VPS13B: variants seen among roughly 807,000 people sequenced by gnomAD.
VPS13B encodes vacuolar protein sorting 13 homolog B.
In VPS13B, 285 loss-of-function variants were observed where a neutral mutation model predicts 426.4. That is an observed-to-expected ratio of 0.67 (90% CI 0.61 to 0.74). The LOEUF is 0.74. VPS13B is among the 30% of genes least tolerant of loss of function. The probability of loss-of-function intolerance (pLI) is 0.00; values close to 1 mark genes in which losing one functional copy is unlikely to be tolerated. For synonymous variants in VPS13B, 1,676 were observed against 1,676.4 expected (o/e 1.00, Z 0.01); for missense variants, 4,537 against 4,782.6 (o/e 0.95, Z 1.51).
intron 35 of VPS13B, among the ~76,000 whole-genome samples, chr8:99,663,949 A>G (rs1433601894): frequency 3.3e-5 from 5 of 152,340 alleles, no homozygotes; most frequent in African/African-American, 7.2e-5. Flanking sequence ...CAATGAATAA[A>G]TGAAAAATTA....
At chr8:99,413,167 G>A (rs889875781) in intron 21 of VPS13B, among the ~76,000 whole-genome samples, 7 of 152,050 alleles carry the variant, frequency 4.6e-5, no homozygotes, top group South Asian at 2.1e-4. Flanking sequence ...GGTAGAATTC[G>A]TCTTTGAATC....
chr8:99,058,101 C>G (rs912433219), intron 3 of VPS13B, among the ~76,000 whole-genome samples: 2 of 151,900 alleles, frequency 1.3e-5, no homozygotes, highest in African/African-American at 4.8e-5. Context: ...TTTTTATATA[C>G]AAAATCAACA....
At chr8:99,627,891 T>G (rs1424305929) in intron 33 of VPS13B, among the ~76,000 whole-genome samples, 1 of 152,206 alleles carries the variant, frequency 6.6e-6, no homozygotes, top group Non-Finnish European at 1.5e-5. Context: ...TTTATATGTT[T>G]TACAGATTGT....
At chr8:99,603,441 G>C (rs1827418345) in intron 33 of VPS13B, among the ~76,000 whole-genome samples, 1 of 152,150 alleles carries the variant, frequency 6.6e-6, no homozygotes. Flanking sequence ...TAATAAGATA[G>C]AACAATTATA....
chr8:99,864,387 A>G (rs116693802), intron 58 of VPS13B, among the ~76,000 whole-genome samples: 2,523 of 152,150 alleles, frequency 0.017, 81 homozygotes, highest in African/African-American at 0.058. Context: ...CATCTCTACA[A>G]AAATAAAATG....
chr8:99,213,820 CTT>C (rs11304124), intron 17 of VPS13B, among the ~76,000 whole-genome samples: 302 of 131,052 alleles, frequency 2.3e-3, no homozygotes, highest in South Asian at 3.5e-3. Flanking sequence ...TGCTGGATGC[CTT>C]TTTTTTTTTT....
intron 34 of VPS13B, among the ~76,000 whole-genome samples, chr8:99,657,990 G>A (rs74934259): frequency 0.019 from 2,939 of 152,190 alleles, 102 homozygotes; most frequent in African/African-American, 0.068. Context: ...GCTAATCTAT[G>A]GAAGAAAAAT....
At chr8:99,638,595 GTGTT>G (rs1829162574) in intron 33 of VPS13B, among the ~76,000 whole-genome samples, 1 of 152,134 alleles carries the variant, frequency 6.6e-6, no homozygotes, top group Non-Finnish European at 1.5e-5. Flanking sequence ...AGTGCCTACT[GTGTT>G]TGTTCAATAT....
At chr8:99,146,125 G>A (rs772914978) in intron 13 of VPS13B, among the ~76,000 whole-genome samples, 14 of 148,900 alleles carry the variant, frequency 9.4e-5, no homozygotes, top group Non-Finnish European at 1.6e-4. Context: ...TCAGTGAACT[G>A]CATATGTCTT....
chr8:99,650,889 C>T (rs888352614), intron 34 of VPS13B, among the ~76,000 whole-genome samples: 2 of 152,146 alleles, frequency 1.3e-5, no homozygotes, highest in Non-Finnish European at 2.9e-5. Flanking sequence ...CTTTACAGGA[C>T]ATGTACAGAC....
At chr8:99,872,164 C>A (rs950042238) in intron 61 of VPS13B, among the ~76,000 whole-genome samples, 7 of 152,174 alleles carry the variant, frequency 4.6e-5, no homozygotes, top group Non-Finnish European at 1.5e-5. Context: ...CTGAGGCCTG[C>A]AACTGGCTGC....
At chr8:99,047,356 T>C (rs1388214056) in intron 3 of VPS13B, among the ~76,000 whole-genome samples, 3 of 152,202 alleles carry the variant, frequency 2.0e-5, no homozygotes, top group Non-Finnish European at 4.4e-5. Context: ...TTTGTATTTC[T>C]GTCTTGTCCG....
intron 39 of VPS13B, among the ~76,000 whole-genome samples, chr8:99,725,374 C>A (rs1168659128): frequency 6.6e-6 from 1 of 152,202 alleles, no homozygotes; most frequent in African/African-American, 2.4e-5. Context: ...GCCTCCCAAT[C>A]TAATGAGCAG....
intron 36 of VPS13B, among the ~76,000 whole-genome samples, chr8:99,702,070 T>G (rs1832305437): frequency 6.6e-6 from 1 of 152,138 alleles, no homozygotes; most frequent in South Asian, 2.1e-4. Flanking sequence ...CTTTGCAATT[T>G]GGATAAAATA....
At chr8:99,015,067 T>C (rs1183925614) in intron 2 of VPS13B, among the ~76,000 whole-genome samples, 3 of 152,116 alleles carry the variant, frequency 2.0e-5, no homozygotes, top group Non-Finnish European at 4.4e-5. Context: ...ATTACTCTTT[T>C]ATTAAGTCAA....
At chr8:99,031,623 T>C (rs1842510557) in intron 2 of VPS13B, among the ~76,000 whole-genome samples, 3 of 152,218 alleles carry the variant, frequency 2.0e-5, no homozygotes, top group Admixed American at 1.3e-4. Flanking sequence ...CCTCATTGGG[T>C]GCAGTAGTGT....
chr8:99,053,388 G>T (rs1196501490), intron 3 of VPS13B, among the ~76,000 whole-genome samples: 1 of 151,866 alleles, frequency 6.6e-6, no homozygotes, highest in Non-Finnish European at 1.5e-5. Flanking sequence ...AGAACATGCG[G>T]TTTTTTTGGT....
chr8:99,326,953 G>A (rs975288937), intron 19 of VPS13B, among the ~76,000 whole-genome samples: 4 of 152,172 alleles, frequency 2.6e-5, no homozygotes, highest in Non-Finnish European at 5.9e-5. Flanking sequence ...TTCACTGATA[G>A]TGTGAATTTA....
At position 99,049,545 on chromosome 8, in the gene VPS13B, G is replaced by T. The variant is rs536045269; in HGVS notation, c.291+10979G>T. ...GAGAAATCAGCTGTTAATTCAATAGGTTTTTTTTTTTTCTTTAATAGGTTA... is the reference window on the plus strand; with the variant it reads ...GAGAAATCAGCTGTTAATTCAATAGTTTTTTTTTTTTTCTTTAATAGGTTA... On this transcript the variant is annotated intron_variant, in intron 3 of 61. Coordinates refer to ENST00000357162, the MANE Select transcript of VPS13B (RefSeq NM_152564.5). 4.1e-5 allele frequency among the ~76,000 whole-genome samples: 6 copies of T among 146,888 alleles called. No individual in the cohort carries two copies. The South Asian group carries it at 6.5e-4, about 16-fold the overall frequency.
Sources: gnomAD v4.1 joint callset for allele counts (sites outside exome capture counted in the v4.1 genomes callset) on GRCh38, gnomAD v4.1.1 for gene constraint, MANE v1.5 for transcripts, NCBI Gene and HGNC (gene_info 2026-07-23, HGNC 2026-07-21) for gene names.